ZNF423: variants seen among roughly 807,000 people sequenced by gnomAD.
The protein encoded by ZNF423 is Ebf-associated zinc finger protein.
Under a neutral mutation model 95.8 loss-of-function variants are expected in ZNF423, and 12 were observed. That is an observed-to-expected ratio of 0.13 (90% CI 0.08 to 0.20). The LOEUF is 0.20. Ranked by LOEUF, ZNF423 falls within the 10% of genes least tolerant of loss-of-function variation. ZNF423 has a pLI of 1.00. For missense variants in ZNF423, 1,316 were observed against 1,737.1 expected (o/e 0.76, Z 4.31); for synonymous variants, 749 against 711.9 (o/e 1.05, Z -0.83).
intron 5 of ZNF423, among the ~76,000 whole-genome samples, chr16:49,576,419 G>A (rs1970504538): frequency 6.6e-6 from 1 of 152,216 alleles, no homozygotes; most frequent in South Asian, 2.1e-4. Flanking sequence ...CCTGAACCTT[G>A]ACAGAGTCAA....
intron 2 of ZNF423, among the ~76,000 whole-genome samples, chr16:49,755,010 T>C (rs1185934133): frequency 6.6e-6 from 1 of 152,218 alleles, no homozygotes; most frequent in African/African-American, 2.4e-5. Flanking sequence ...AGTCCGCCGG[T>C]GCGGCTATCT....
chr16:49,606,266 G>A (rs1471779960), intron 5 of ZNF423, among the ~76,000 whole-genome samples: 3 of 123,256 alleles, frequency 2.4e-5, no homozygotes, highest in African/African-American at 3.5e-5. Context: ...AATGCCCACC[G>A]ACAGCAGAAG....
At chr16:49,762,765 C>T (rs1456521259) in intron 2 of ZNF423, among the ~76,000 whole-genome samples, 1 of 152,216 alleles carries the variant, frequency 6.6e-6, no homozygotes, top group Non-Finnish European at 1.5e-5. Context: ...ACCTTCAACA[C>T]CCCATCTGAA....
intron 5 of ZNF423, among the ~76,000 whole-genome samples, chr16:49,595,581 G>A (rs1971155697): frequency 6.6e-6 from 1 of 152,142 alleles, no homozygotes; most frequent in Admixed American, 6.6e-5. Flanking sequence ...CCAATGATAG[G>A]CTAACAAAAT....
Position 49,756,344 on chromosome 16 carries a change from T to C in ZNF423, c.101-25373A>G, listed in dbSNP as rs183888817. On this transcript the variant is annotated intron_variant, in intron 2 of 7. Transcript: ENST00000563137. ...GGACTGTCATTTTATTAAACACACA[T>C]ACAGACATTAAAATGCTTCCCAATT... Among the ~76,000 whole-genome samples the C allele has an allele frequency of 4.6e-5, 7 of 152,082 alleles. No homozygotes were observed. In the East Asian group the frequency reaches 1.4e-3, roughly 29 times the overall value.
intron 7 of ZNF423, chr16:49,518,124 T>C: frequency 2.4e-6 from 1 of 416,640 alleles, no homozygotes; most frequent in Non-Finnish European, 4.7e-6. Context: ...CTCTCTGCAA[T>C]TTATGTTATA....
intron 3 of ZNF423, among the ~76,000 whole-genome samples, chr16:49,720,923 G>T (rs2032846998): frequency 6.6e-6 from 1 of 152,202 alleles, no homozygotes; most frequent in African/African-American, 2.4e-5. Context: ...TCATGGGCGG[G>T]GGTGAGTCTT....
chr16:49,631,533 G>A (rs947703812), intron 4 of ZNF423, among the ~76,000 whole-genome samples: 1 of 152,152 alleles, frequency 6.6e-6, no homozygotes, highest in African/African-American at 2.4e-5. Context: ...CTTCCCTGGG[G>A]CCCAGCCCAG....
At chr16:49,622,431 A>AC (rs1215126860) in intron 5 of ZNF423, among the ~76,000 whole-genome samples, 1 of 139,264 alleles carries the variant, frequency 7.2e-6, no homozygotes, top group African/African-American at 2.7e-5. Flanking sequence ...TGCTCTGCTC[A>AC]CCCCCCATCC....
chr16:49,817,259 G>T (rs188189446), intron 1 of ZNF423, among the ~76,000 whole-genome samples: 1 of 152,208 alleles, frequency 6.6e-6, no homozygotes, highest in Non-Finnish European at 1.5e-5. Context: ...GGAGGCAGGG[G>T]AAAGTTTACC....
chr16:49,686,009 G>C (rs1270278326), intron 3 of ZNF423, among the ~76,000 whole-genome samples: 1 of 152,194 alleles, frequency 6.6e-6, no homozygotes, highest in Non-Finnish European at 1.5e-5. Context: ...CTCGTTTCCA[G>C]TGTCCATTCT....
rs562072648 is a variant in ZNF423 at position 49,855,051 on chromosome 16, C to T, written c.40+684G>A. The T allele has an allele frequency of 6.1e-6, 6 of 984,800 alleles. No homozygotes were observed. Among genetic ancestry groups the T allele is most frequent in the Non-Finnish European group, 6.0e-6 (5 of 829,694 alleles). The allele number at this position is 984,800 out of a possible 1,614,324, so 61.0% of individuals were successfully genotyped here. On this transcript the variant is annotated intron_variant, in intron 1 of 7. Transcript: ENST00000563137. The surrounding 1 kb of genome is among the most constrained non-coding windows in gnomAD (Gnocchi z 4.7). ...CCGCCGGCGCCGTGCAGACAATGAA[C>T]TCCTGGCGGAGGCTCCCTGCCCGGT...
At chr16:49,625,392 C>A (rs144419011) in intron 5 of ZNF423, among the ~76,000 whole-genome samples, 61 of 152,308 alleles carry the variant, frequency 4.0e-4, no homozygotes, top group African/African-American at 1.3e-3. Context: ...CAACCCATGG[C>A]TGCAACTTCA....
intron 3 of ZNF423, among the ~76,000 whole-genome samples, chr16:49,639,918 A>G (rs1461133388): frequency 6.6e-6 from 1 of 152,180 alleles, no homozygotes; most frequent in Admixed American, 6.5e-5. Context: ...AGCTAGAGAC[A>G]TTCCCCGGCG....
chr16:49,639,813 C>G (rs1430486407), intron 3 of ZNF423, among the ~76,000 whole-genome samples: 1 of 152,218 alleles, frequency 6.6e-6, no homozygotes, highest in Non-Finnish European at 1.5e-5. Flanking sequence ...CAACCCCCCT[C>G]GTTTGCTGGC....
At chr16:49,693,530 C>T (rs1226963831) in intron 3 of ZNF423, among the ~76,000 whole-genome samples, 1 of 152,136 alleles carries the variant, frequency 6.6e-6, no homozygotes, top group Admixed American at 6.5e-5. Flanking sequence ...GTAGACCAGC[C>T]CTGTCTTCCT....
intron 5 of ZNF423, among the ~76,000 whole-genome samples, chr16:49,549,781 C>T (rs1205111146): frequency 6.6e-6 from 1 of 152,200 alleles, no homozygotes; most frequent in Non-Finnish European, 1.5e-5. Flanking sequence ...TCAAGATCAA[C>T]CCAGCCAGTG....
chr16:49,491,946 T>C (rs960600553), intron 7 of ZNF423, among the ~76,000 whole-genome samples: 4 of 152,164 alleles, frequency 2.6e-5, no homozygotes. Context: ...CTTGGTCACA[T>C]GGCAATGGCC....
chr16:49,549,472 A>C (rs985665544), intron 5 of ZNF423, among the ~76,000 whole-genome samples: 2 of 152,140 alleles, frequency 1.3e-5, no homozygotes, highest in Non-Finnish European at 2.9e-5. Flanking sequence ...GCTCCCTGGG[A>C]CTGTCCCTGG....
Sources: gnomAD v4.1 joint callset for allele counts (sites outside exome capture counted in the v4.1 genomes callset) on GRCh38, gnomAD v4.1.1 for gene constraint, Gnocchi (gnomAD v3.1) non-coding constraint, MANE v1.5 for transcripts, NCBI Gene and HGNC (gene_info 2026-07-23, HGNC 2026-07-21) for gene names.